Variants in SBF2 observed in about 807,000 individuals in gnomAD.
The protein encoded by SBF2 is myotubularin-related protein 13.
SBF2 carries 112 observed loss-of-function variants against 225.2 expected under a neutral mutation model. The ratio of observed to expected loss-of-function variants is 0.50; its 90% confidence interval spans 0.43 to 0.58. The LOEUF (loss-of-function observed/expected upper bound fraction) is 0.58. Ranked by LOEUF, SBF2 falls within the 20% of genes least tolerant of loss-of-function variation. The pLI, the probability that SBF2 is intolerant of heterozygous loss-of-function variation, is 0.00. For missense variants in SBF2, 1,996 were observed against 2,206.2 expected, an observed-to-expected ratio of 0.90 and a Z score of 1.91; for synonymous variants, 763 against 773.3, an observed-to-expected ratio of 0.99 and a Z score of 0.22.
chr11:9,844,118 TAAC>T (rs1031342120), intron 24 of SBF2, among the ~76,000 whole-genome samples: 1 of 152,170 alleles, frequency 6.6e-6, no homozygotes, highest in Non-Finnish European at 1.5e-5. Context: ...AAGGCTGAGA[TAAC>T]AAACATCATA....
intron 4 of SBF2, among the ~76,000 whole-genome samples, chr11:10,030,087 A>G (rs942852710): frequency 1.3e-5 from 2 of 152,210 alleles, no homozygotes; most frequent in African/African-American, 4.8e-5. Context: ...GTTTATAGAA[A>G]GCAGAAATCC....
intron 1 of SBF2, among the ~76,000 whole-genome samples, chr11:10,208,014 C>G (rs1439577224): frequency 1.3e-5 from 2 of 152,058 alleles, no homozygotes; most frequent in Admixed American, 1.3e-4. Context: ...GGTTGATAAA[C>G]TAATCTAAGA....
At chr11:9,976,036 A>AATT (rs1946662469) in intron 13 of SBF2, among the ~76,000 whole-genome samples, 1 of 151,032 alleles carries the variant, frequency 6.6e-6, no homozygotes, top group Admixed American at 6.6e-5. Context: ...CATAAGGCAC[A>AATT]ATTATAAATC....
rs1210806960 is a variant in SBF2, at chr11:9,822,258, C to CTT, written c.3794-5236_3794-5235dup. 1.6e-3 allele frequency among the ~76,000 whole-genome samples: 203 copies of CTT among 129,374 alleles called. 2 individuals are homozygous for CTT. Among genetic ancestry groups the CTT allele is most frequent in the Non-Finnish European group, 2.1e-3 (126 of 60,404 alleles). 84.9% of individuals were successfully genotyped at this position (129,374 alleles called of 152,430 possible). ...GTTTGAATTAGAATGTAACTAAACT[C>CTT]TTTTTTTTTTTTTTTTTTTTGAGAC... is the stretch of plus-strand genomic sequence containing the variant. On this transcript the variant is annotated intron_variant, in intron 28 of 39. Transcript: ENST00000256190.
chr11:10,251,820 A>C (rs966480632), intron 1 of SBF2, among the ~76,000 whole-genome samples: 5 of 152,256 alleles, frequency 3.3e-5, no homozygotes, highest in Non-Finnish European at 5.9e-5. Context: ...ACAGTAACCT[A>C]TGAATGATGT....
chr11:10,236,259 C>A (rs2135449043), intron 1 of SBF2, among the ~76,000 whole-genome samples: 1 of 152,210 alleles, frequency 6.6e-6, no homozygotes, highest in South Asian at 2.1e-4. Context: ...TGAGACTAGC[C>A]TGGGCAACAT....
At chr11:10,108,935 T>C (rs1952707785) in intron 2 of SBF2, among the ~76,000 whole-genome samples, 2 of 152,200 alleles carry the variant, frequency 1.3e-5, no homozygotes, top group South Asian at 4.2e-4. Context: ...TAACTCTCAT[T>C]TGCCAAGAAG....
intron 1 of SBF2, among the ~76,000 whole-genome samples, chr11:10,285,021 T>C (rs1260616571): frequency 1.3e-5 from 2 of 152,094 alleles, no homozygotes; most frequent in South Asian, 2.1e-4. Context: ...ATAAAGAGTG[T>C]ATCATTTGGC....
intron 2 of SBF2, among the ~76,000 whole-genome samples, chr11:10,160,319 C>T (rs1469747642): frequency 6.6e-6 from 1 of 152,146 alleles, no homozygotes; most frequent in African/African-American, 2.4e-5. Flanking sequence ...ATACCTTTTT[C>T]TATAATATTT....
intron 12 of SBF2, among the ~76,000 whole-genome samples, chr11:9,990,413 A>G (rs1262730271): frequency 1.3e-5 from 2 of 152,234 alleles, no homozygotes; most frequent in Non-Finnish European, 2.9e-5. Flanking sequence ...AAGCCCCCAT[A>G]ACACCCCATT....
chr11:10,279,806 C>T (rs1490913461), intron 1 of SBF2, among the ~76,000 whole-genome samples: 4 of 152,146 alleles, frequency 2.6e-5, no homozygotes, highest in Non-Finnish European at 5.9e-5. Flanking sequence ...CGCACCACCA[C>T]GCCTGGCTAA....
At chr11:9,922,649 T>A (rs553858733) in intron 16 of SBF2, among the ~76,000 whole-genome samples, 2 of 152,308 alleles carry the variant, frequency 1.3e-5, no homozygotes, top group Admixed American at 6.5e-5. Context: ...TTAAAGACCA[T>A]CTGTAGTGTA....
At chr11:10,235,769 T>C (rs12362060) in intron 1 of SBF2, among the ~76,000 whole-genome samples, 33,979 of 152,118 alleles carry the variant, frequency 0.22, 4,419 homozygotes, top group Non-Finnish European at 0.3. Flanking sequence ...GAATCATTGC[T>C]GCATCTAGAT....
intron 1 of SBF2, among the ~76,000 whole-genome samples, chr11:10,196,665 A>G (rs1957365152): frequency 6.6e-6 from 1 of 151,794 alleles, no homozygotes; most frequent in Non-Finnish European, 1.5e-5. Flanking sequence ...AGCGTAAGCC[A>G]CCGTACCCAG....
chr11:10,001,053 A>G (rs1565116259), intron 7 of SBF2, 31 bp from the exon 8 acceptor site: 2 of 1,161,750 alleles, frequency 1.7e-6, no homozygotes, highest in Admixed American at 1.7e-5. Flanking sequence ...CGTCAAATAT[A>G]TTTTTCTTTA....
At chr11:10,070,738 G>C (rs1035109903) in intron 2 of SBF2, among the ~76,000 whole-genome samples, 2 of 152,152 alleles carry the variant, frequency 1.3e-5, no homozygotes, top group Admixed American at 6.5e-5. Context: ...TGAATCTATA[G>C]ATTACTTTGG....
intron 2 of SBF2, among the ~76,000 whole-genome samples, chr11:10,043,737 G>C (rs1019014208): frequency 6.6e-6 from 1 of 152,022 alleles, no homozygotes; most frequent in Non-Finnish European, 1.5e-5. Context: ...AGTATATCTG[G>C]CTAATATTTT....
intron 2 of SBF2, among the ~76,000 whole-genome samples, chr11:10,170,994 C>T (rs531404695): frequency 3.8e-4 from 58 of 152,046 alleles, no homozygotes; most frequent in Non-Finnish European, 6.5e-4. Context: ...AACTTTGTAT[C>T]CTGCAGATTT....
intron 2 of SBF2, among the ~76,000 whole-genome samples, chr11:10,161,663 T>G (rs774612923): frequency 6.6e-6 from 1 of 152,238 alleles, no homozygotes; most frequent in African/African-American, 2.4e-5. Context: ...GTAGGAGTGA[T>G]TGGTACACTT....
Sources: allele counts gnomAD v4.1 joint callset (sites outside exome capture counted in the v4.1 genomes callset), GRCh38; gene constraint gnomAD v4.1.1; transcripts MANE v1.5; gene names NCBI Gene and HGNC (gene_info 2026-07-23, HGNC 2026-07-21).